Variants in AHI1 observed in about 807,000 individuals in gnomAD.
AHI1 encodes Abelson helper integration site 1, also known as jouberin.
A neutral mutation model predicts 149.3 loss-of-function variants in AHI1; 123 were observed. The observed-to-expected ratio is 0.82, with a 90% confidence interval of 0.71 to 0.96. The LOEUF (loss-of-function observed/expected upper bound fraction) is 0.96. Among genes scored for constraint, AHI1 ranks in the 40% least tolerant of loss-of-function variants. AHI1 has a pLI of 0.00. For missense variants in AHI1, 1,439 were observed against 1,422.7 expected, an observed-to-expected ratio of 1.01 and a Z score of -0.18; for synonymous variants, 475 against 459.8, an observed-to-expected ratio of 1.03 and a Z score of -0.42.
chr6:135,479,723 T>C (rs1348977012), intron 5 of AHI1, among the ~76,000 whole-genome samples: 3 of 152,118 alleles, frequency 2.0e-5, no homozygotes, highest in Non-Finnish European at 4.4e-5. Flanking sequence ...TGTTTCGAAA[T>C]GTGAGAAGGA....
intron 7 of AHI1, 57 bp from the exon 8 acceptor site, chr6:135,463,363 T>A: frequency 7.2e-7 from 1 of 1,380,014 alleles, no homozygotes; most frequent in Non-Finnish European, 9.8e-7. Flanking sequence ...ATAATTATTA[T>A]TCATGATGCA....
chr6:135,294,041 T>A (rs1355744438), intron 27 of AHI1, among the ~76,000 whole-genome samples: 1 of 152,084 alleles, frequency 6.6e-6, no homozygotes, highest in Non-Finnish European at 1.5e-5. Flanking sequence ...AGAAAAATAA[T>A]GGGCTGGGTG....
chr6:135,327,740 C>G lies in AHI1; in HGVS notation c.3166-4416G>C, dbSNP rs188223736. On this transcript the variant is annotated intron_variant, in intron 24 of 28. Coordinates refer to ENST00000265602, the MANE Select transcript of AHI1 (RefSeq NM_001134831.2). ...ATGAGCAATCAGAGGGTCCTTCCCC[C>G]CTCTACCCTGGAGGAAGGAATGCTG... 1.2e-3 allele frequency among the ~76,000 whole-genome samples: 180 copies of G among 152,142 alleles called. 1 individual carries two copies. Among genetic ancestry groups the G allele is most frequent in the African/African-American group, 4.1e-3 (171 of 41,488 alleles).
intron 26 of AHI1, among the ~76,000 whole-genome samples, chr6:135,312,386 C>T (rs1027567002): frequency 2.0e-4 from 31 of 151,904 alleles, no homozygotes; most frequent in African/African-American, 6.5e-4. Flanking sequence ...TGGTGGTGCA[C>T]GCCTGTAATC....
chr6:135,339,709 C>T (rs1013859392), intron 24 of AHI1, among the ~76,000 whole-genome samples: 1 of 152,134 alleles, frequency 6.6e-6, no homozygotes, highest in African/African-American at 2.4e-5. Context: ...AATGTACCAA[C>T]ATATGCATAA....
rs737561 is a variant in AHI1, at chr6:135,433,333, C to T, written c.2037-77G>A. 920,910 of 1,010,896 alleles carry T rather than the reference C, an allele frequency of 0.91. 424,127 individuals are homozygous for T. The highest frequency in any genetic ancestry group is 0.97 in the East Asian group (37,622 of 38,938). The allele number at this position is 1,010,896 out of a possible 1,614,324, so 62.6% of individuals were successfully genotyped here. On this transcript the variant is annotated intron_variant, in intron 15 of 28. Coordinates refer to ENST00000265602, the MANE Select transcript of AHI1 (RefSeq NM_001134831.2). The stretch of plus-strand genomic sequence containing the variant: ...TTAACAGTTTTTCTAAGAACCAACA[C>T]AGCCAATGAACCTTAAGCAAGCAAG...
At chr6:135,321,255 C>T (rs1230226003) in intron 25 of AHI1, among the ~76,000 whole-genome samples, 1 of 150,904 alleles carries the variant, frequency 6.6e-6, no homozygotes, top group Non-Finnish European at 1.5e-5. Context: ...AAAGTGAGGC[C>T]CCGTCTCAGA....
In AHI1 at chr6:135,285,493, G is replaced by A; in HGVS notation, c.*152C>T. On this transcript the variant is annotated 3_prime_UTR_variant, in exon 29 of 29. Transcript: ENST00000265602. ...ATTTTTCCACCCACAACTTGATTCT[G>A]ATTTTTCTAGAGTCATTCATAAGAA... The A allele has an allele frequency of 1.2e-6, 1 of 821,548 alleles. No homozygotes were observed. The highest frequency in any genetic ancestry group is 2.0e-6 in the Non-Finnish European group (1 of 508,496). The allele number at this position is 821,548 out of a possible 1,614,324, so 50.9% of individuals were successfully genotyped here.
intron 23 of AHI1, among the ~76,000 whole-genome samples, chr6:135,368,942 C>T (rs1428906975): frequency 6.6e-6 from 1 of 152,232 alleles, no homozygotes; most frequent in Non-Finnish European, 1.5e-5. Flanking sequence ...GGAAACTTTG[C>T]CTTCAGTTGA....
intron 27 of AHI1, among the ~76,000 whole-genome samples, chr6:135,294,341 A>C (rs1256729579): frequency 6.6e-6 from 1 of 151,560 alleles, no homozygotes; most frequent in Non-Finnish European, 1.5e-5. Flanking sequence ...AAAACAAAAC[A>C]AAACAAAACA....
At chr6:135,365,640 A>G (rs916939729) in intron 23 of AHI1, among the ~76,000 whole-genome samples, 1 of 152,170 alleles carries the variant, frequency 6.6e-6, no homozygotes, top group Non-Finnish European at 1.5e-5. Flanking sequence ...TAGCAGTGCT[A>G]CTGATTTGTG....
At chr6:135,311,881 G>A (rs550803390) in intron 26 of AHI1, among the ~76,000 whole-genome samples, 29 of 152,046 alleles carry the variant, frequency 1.9e-4, no homozygotes, top group Admixed American at 8.5e-4. Context: ...GATTTGTTTC[G>A]GGATGATTAA....
chr6:135,497,305 A>T (rs1168264033), intron 1 of AHI1, 56 bp from the exon 2 acceptor site: 1 of 152,304 alleles, frequency 6.6e-6, no homozygotes, highest in Non-Finnish European at 1.5e-5. Flanking sequence ...TTTAAATAAG[A>T]ATCGGGAGTA....
rs764126848 is a variant in AHI1 at position 135,323,367 on chromosome 6, CCA to C, written c.3166-45_3166-44del. ...CCACCACAGCTTTATCACAACTGTA[CCA>C]CAGAGAAAACCCCCAACATTCACTT... is the stretch of plus-strand genomic sequence containing the variant. On this transcript the variant is annotated intron_variant, in intron 24 of 28. Transcript: ENST00000265602. 44 of 1,585,286 alleles carry C rather than the reference CCA, an allele frequency of 2.8e-5. 1 individual carries two copies. The highest frequency in any genetic ancestry group is 3.3e-5 in the Non-Finnish European group (38 of 1,161,214).
chr6:135,420,546 C>T (rs1278991492), intron 20 of AHI1, among the ~76,000 whole-genome samples: 2 of 152,162 alleles, frequency 1.3e-5, no homozygotes. Context: ...TCACTTGTTG[C>T]TTCACCTTGC....
intron 11 of AHI1, among the ~76,000 whole-genome samples, chr6:135,452,529 C>G (rs768863636): frequency 2.0e-5 from 3 of 152,144 alleles, no homozygotes; most frequent in Non-Finnish European, 2.9e-5. Flanking sequence ...AGAATCTGTT[C>G]TCCACATAAC....
intron 24 of AHI1, among the ~76,000 whole-genome samples, chr6:135,337,795 A>T (rs1789627597): frequency 6.6e-6 from 1 of 151,660 alleles, no homozygotes; most frequent in African/African-American, 2.4e-5. Context: ...AAGGCTGTGA[A>T]GAAATCTTGA....
chr6:135,297,277 T>C (rs1220799978), intron 27 of AHI1, among the ~76,000 whole-genome samples: 1 of 152,164 alleles, frequency 6.6e-6, no homozygotes, highest in Non-Finnish European at 1.5e-5. Context: ...CCTGTTTTTT[T>C]CTCCCACTGC....
At position 135,490,717 on chromosome 6, in the gene AHI1, A is replaced by G; in HGVS notation, c.41T>C (p.Val14Ala). ...GGTCTTAAGCAATTCTTCAAAGCGA[A>G]CTTTGGTTTTTACTTTTGCTTCACT... ...AESEAKVKTK[V>A]RFEELLKTHS... Residue 14 changes from valine (V) to alanine (A), a missense_variant, in exon 5 of 29, where the codon GTT (valine) becomes GCT (alanine). By Grantham distance (64) the Val-to-Ala change is moderately conservative. Transcript: ENST00000265602. 6.2e-7 allele frequency: 1 copy of G among 1,612,840 alleles called. No individual in the cohort carries two copies. Among genetic ancestry groups the G allele is most frequent in the Non-Finnish European group, 8.5e-7 (1 of 1,179,480 alleles).
Sources: gnomAD v4.1 joint callset for allele counts (sites outside exome capture counted in the v4.1 genomes callset) on GRCh38, gnomAD v4.1.1 for gene constraint, MANE v1.5 for transcripts, NCBI Gene and HGNC (gene_info 2026-07-23, HGNC 2026-07-21) for gene names.